DDHD1: variants seen among roughly 807,000 people sequenced by gnomAD.
DDHD1 encodes phospholipase DDHD1.
A neutral mutation model predicts 96.4 loss-of-function variants in DDHD1; 49 were observed. The observed-to-expected ratio is 0.51, with a 90% confidence interval of 0.40 to 0.64. The LOEUF is 0.64. Ranked by LOEUF, DDHD1 falls within the 30% of genes least tolerant of loss-of-function variation. The probability of loss-of-function intolerance (pLI) is 0.00; values close to 1 mark genes in which losing one functional copy is unlikely to be tolerated. For missense variants in DDHD1, 1,106 were observed against 1,161.2 expected (o/e 0.95, Z 0.69); for synonymous variants, 442 against 446.5 (o/e 0.99, Z 0.13).
chr14:53,137,963 C>G (rs1182500966), intron 1 of DDHD1, among the ~76,000 whole-genome samples: 1 of 152,134 alleles, frequency 6.6e-6, no homozygotes, highest in Non-Finnish European at 1.5e-5. Context: ...TAGCAAACTT[C>G]TCATCAGAAA....
Position 53,051,900 on chromosome 14 carries a change from T to C in DDHD1, c.2465A>G (p.Asn822Ser). 1 of 1,596,010 alleles carries C rather than the reference T, an allele frequency of 6.3e-7. No homozygotes were observed. Among genetic ancestry groups the C allele is most frequent in the Non-Finnish European group, 8.5e-7 (1 of 1,170,376 alleles). ...AYFRLQESFF[N>S]LPQLLFPENV... ...TTCCGGAAAAAGAAGTTGTGGGAGA[T>C]TAAAGAACGATTCTTGAAGTCTGAA... The change falls in exon 12 of 13, where the codon AAT becomes AGT. Residue 822 changes from asparagine to serine, a missense_variant. Physicochemically the swap from Asn to Ser is conservative, Grantham distance 46 (BLOSUM62 1). Transcript: ENST00000673822.
intron 12 of DDHD1, 65 bp downstream of exon 12, chr14:53,051,779 G>C (rs1882592545): frequency 7.6e-7 from 1 of 1,321,226 alleles, no homozygotes; most frequent in African/African-American, 1.5e-5. Flanking sequence ...TTTTCAATAA[G>C]CAGAAGAACT....
intron 6 of DDHD1, among the ~76,000 whole-genome samples, chr14:53,064,375 A>G (rs1013696792): frequency 6.6e-6 from 1 of 152,104 alleles, no homozygotes; most frequent in African/African-American, 2.4e-5. Flanking sequence ...TATATACTTT[A>G]GTACTCTGAC....
rs1464166640 is a variant in DDHD1, at chr14:53,039,024, T to C, written c.*7744A>G. 2.6e-5 allele frequency: 4 copies of C among 152,166 alleles called. No individual in the cohort carries two copies. Among genetic ancestry groups the C allele is most frequent in the Non-Finnish European group, 5.9e-5 (4 of 68,024 alleles). The allele number at this position is 152,166 out of a possible 1,614,324, so 9.4% of individuals were successfully genotyped here. A position where few individuals can be genotyped will look rare whatever the true frequency, so the allele number is the denominator to read the frequency against. ...ACATTATCTTCAAAGACAACTTCAT[T>C]AGGAATGTGGAGGTAATTTTTTGTC... On this transcript the variant is annotated 3_prime_UTR_variant, in exon 13 of 13. Coordinates refer to ENST00000673822, the MANE Select transcript of DDHD1 (RefSeq NM_001160148.2).
At chr14:53,144,594 G>A (rs1024790831) in intron 1 of DDHD1, among the ~76,000 whole-genome samples, 1 of 152,122 alleles carries the variant, frequency 6.6e-6, no homozygotes, top group Non-Finnish European at 1.5e-5. Context: ...ACTTAATGTT[G>A]AAACAGATAC....
chr14:53,099,437 A>G (rs1021652605), intron 2 of DDHD1, among the ~76,000 whole-genome samples: 2 of 152,046 alleles, frequency 1.3e-5, no homozygotes, highest in African/African-American at 4.8e-5. Flanking sequence ...ATTCCTCAAT[A>G]TTTACTTGTC....
Position 53,152,254 on chromosome 14 carries a change from T to C in DDHD1, c.838+7A>G. Reference sequence around the variant, plus strand: ...CCGTCCTGCCCTAACCCCGGCCCGCTACTCACGGTTCCAGTACACCGGGTA... The same window carrying C: ...CCGTCCTGCCCTAACCCCGGCCCGCCACTCACGGTTCCAGTACACCGGGTA... On this transcript the variant is annotated splice_region_variant and intron_variant, in intron 1 of 12. Transcript: ENST00000673822. 1 of 1,593,920 alleles carries C rather than the reference T, an allele frequency of 6.3e-7. No individual in the cohort carries two copies. Among genetic ancestry groups the C allele is most frequent in the Non-Finnish European group, 8.6e-7 (1 of 1,168,302 alleles).
At position 53,084,974 on chromosome 14, in the gene DDHD1, C is replaced by A. The variant is rs186973589; in HGVS notation, c.1289+6811G>T. Among the ~76,000 whole-genome samples, 198 of 152,370 alleles carry A rather than the reference C, an allele frequency of 1.3e-3. 1 individual carries two copies. Among genetic ancestry groups the A allele is most frequent in the African/African-American group, 4.7e-3 (195 of 41,594 alleles). On this transcript the variant is annotated intron_variant, in intron 4 of 12. Coordinates refer to ENST00000673822, the MANE Select transcript of DDHD1 (RefSeq NM_001160148.2). ...GCAAATGTCACACCAGATTATATCC[C>A]GCGCCTGGCTCAGCGGGTCCCACAC...
At position 53,046,313 on chromosome 14, in the gene DDHD1, CA is replaced by C. The variant is rs1882002290; in HGVS notation, c.*454del. On this transcript the variant is annotated 3_prime_UTR_variant, in exon 13 of 13. Coordinates refer to ENST00000673822, the MANE Select transcript of DDHD1 (RefSeq NM_001160148.2). ...ACATTTTAAATCTGTTATATTTTTT[CA>C]AAGGGATGTACAAATGAAAGCCTTC... is the stretch of plus-strand genomic sequence containing the variant. The C allele has an allele frequency of 6.6e-6, 1 of 152,140 alleles. No individual in the cohort carries two copies. The allele number at this position is 152,140 out of a possible 1,614,324, so 9.4% of individuals were successfully genotyped here.
At chr14:53,109,314 T>A (rs372783423) in intron 1 of DDHD1, among the ~76,000 whole-genome samples, 5 of 152,140 alleles carry the variant, frequency 3.3e-5, no homozygotes, top group African/African-American at 1.2e-4. Context: ...AATTACCAAG[T>A]CCTAGGCCTG....
Position 53,049,046 on chromosome 14 carries a change from T to C in DDHD1, c.2522-2097A>G, listed in dbSNP as rs528391699. The C allele has an allele frequency of 8.9e-5, 13 of 146,888 alleles. No individual in the cohort carries two copies. In the East Asian group the frequency reaches 2.1e-3, roughly 24 times the overall value. 9.1% of individuals were successfully genotyped at this position (146,888 alleles called of 1,614,324 possible). ...AGGAAGATATTTCCTGTTTATAACA[T>C]GTGTTATTTGGCTCCACTTTGATTT... On this transcript the variant is annotated intron_variant, in intron 12 of 12. Coordinates refer to ENST00000673822, the MANE Select transcript of DDHD1 (RefSeq NM_001160148.2).
intron 4 of DDHD1, 66 bp from the exon 5 acceptor site, chr14:53,073,913 T>C: frequency 7.1e-7 from 1 of 1,412,488 alleles, no homozygotes; most frequent in Non-Finnish European, 9.9e-7. Flanking sequence ...TATAAATTTA[T>C]ATGAGATAAA....
At chr14:53,072,407 C>G (rs1048136413) in intron 6 of DDHD1, among the ~76,000 whole-genome samples, 190 bp downstream of exon 6, 6 of 151,916 alleles carry the variant, frequency 3.9e-5, no homozygotes, top group African/African-American at 1.4e-4. Flanking sequence ...CAACCTGAGA[C>G]CATCTGTTTT....
intron 5 of DDHD1, among the ~76,000 whole-genome samples, chr14:53,072,956 C>T (rs186929057): frequency 6.6e-6 from 1 of 151,922 alleles, no homozygotes; most frequent in Admixed American, 6.6e-5. Context: ...TATAAAGCGT[C>T]ACCCTTTTTT....
rs759300334 is a variant in DDHD1, at chr14:53,054,517, C to T, written c.2358G>A (p.Lys786=). Reference sequence around the variant, plus strand: ...TGGTAGCAGAAGGTGAGGCAACTGGCTTCTTCTCATCTTCCATTGAGTCTT... The same window carrying T: ...TGGTAGCAGAAGGTGAGGCAACTGGTTTCTTCTCATCTTCCATTGAGTCTT... The part of the protein sequence containing the change: ...TSKDSMEDEK[K]PVASPSATTV... Residue 786 remains lysine, a synonymous_variant, in exon 11 of 13, where the codon AAG becomes AAA. Transcript: ENST00000673822. The T allele has an allele frequency of 9.9e-6, 16 of 1,613,992 alleles. No individual in the cohort carries two copies. The highest frequency in any genetic ancestry group is 6.6e-5 in the South Asian group (6 of 91,074).
chr14:53,135,898 T>C (rs1890201615), intron 1 of DDHD1, among the ~76,000 whole-genome samples: 1 of 152,228 alleles, frequency 6.6e-6, no homozygotes, highest in African/African-American at 2.4e-5. Flanking sequence ...ACCACTGTAA[T>C]GTCAGGCCTC....
intron 4 of DDHD1, among the ~76,000 whole-genome samples, chr14:53,089,068 G>A (rs1220555562): frequency 6.6e-6 from 1 of 152,160 alleles, no homozygotes; most frequent in Non-Finnish European, 1.5e-5. Flanking sequence ...ATTCACAATT[G>A]CTTCAAAGAG....
At chr14:53,140,775 G>A (rs1446940836) in intron 1 of DDHD1, among the ~76,000 whole-genome samples, 1 of 152,116 alleles carries the variant, frequency 6.6e-6, no homozygotes, top group Non-Finnish European at 1.5e-5. Context: ...GGTCTAAAAT[G>A]CCAATTAAAA....
rs36082100 is a variant in DDHD1, at chr14:53,079,089, G to C, written c.1290-5242C>G. Among the ~76,000 whole-genome samples the C allele has an allele frequency of 3.1e-3, 474 of 151,946 alleles. 2 individuals are homozygous for C. Among genetic ancestry groups the C allele is most frequent in the African/African-American group, 0.011 (451 of 41,442 alleles). On this transcript the variant is annotated intron_variant, in intron 4 of 12. Coordinates refer to ENST00000673822, the MANE Select transcript of DDHD1 (RefSeq NM_001160148.2). ...CATGGTATATAACCATTTATATATG[G>C]TGCTGGATTCAAGTTTGTTGGCATT... is the stretch of plus-strand genomic sequence containing the variant.
Sources: gnomAD v4.1 joint callset for allele counts (sites outside exome capture counted in the v4.1 genomes callset) on GRCh38, gnomAD v4.1.1 for gene constraint, MANE v1.5 for transcripts, NCBI Gene and HGNC (gene_info 2026-07-23, HGNC 2026-07-21) for gene names.